The following AHNAK variants were observed in gnomAD, a reference collection of about 807,000 sequenced individuals.
The protein encoded by AHNAK is AHNAK nucleoprotein, also known as neuroblast differentiation-associated protein AHNAK.
Under a neutral mutation model 37.8 loss-of-function variants are expected in AHNAK, and 23 were observed. That is an observed-to-expected ratio of 0.61 (90% confidence interval 0.44 to 0.86). The LOEUF is 0.86. Ranked by LOEUF, AHNAK falls within the 40% of genes least tolerant of loss-of-function variation. The probability of loss-of-function intolerance (pLI) is 0.00; values close to 1 mark genes in which losing one functional copy is unlikely to be tolerated. For synonymous variants in AHNAK, 2,481 were observed against 2,636.3 expected (o/e 0.94, Z 1.80); for missense variants, 7,411 against 7,319.4 (o/e 1.01, Z -0.46).
chr11:62,528,089 T>G lies in AHNAK; in HGVS notation c.6328A>C (p.Met2110Leu). ...LKGPKLKMPEMHFKAPKISMP... is the reference protein window; with the variant it reads ...LKGPKLKMPELHFKAPKISMP... ...GAGATCTTGGGGGCCTTGAAGTGCA[T>G]CTCAGGCATCTTAAGCTTGGGGCCC... is the stretch of plus-strand genomic sequence containing the variant. The change falls in exon 5 of 5, where the codon ATG becomes CTG. Residue 2110 changes from methionine (M) to leucine (L), a missense_variant. Coordinates refer to ENST00000378024, the MANE Select transcript of AHNAK (RefSeq NM_001620.3). 1 of 1,612,626 alleles carries G rather than the reference T, an allele frequency of 6.2e-7. No individual in the cohort carries two copies. Among genetic ancestry groups the G allele is most frequent in the Non-Finnish European group, 8.5e-7 (1 of 1,179,632 alleles).
chr11:62,514,280 A>G (rs76438903), downstream of AHNAK, among the ~76,000 whole-genome samples: 5,081 of 152,120 alleles, frequency 0.033, 286 homozygotes, highest in African/African-American at 0.12. Flanking sequence ...AGCGGCATGC[A>G]CACTCTGACC....
Position 62,525,154 on chromosome 11 carries a change from G to A in AHNAK, c.9263C>T (p.Ala3088Val). Residue 3088 changes from alanine to valine, a missense_variant, in exon 5 of 5, where the codon GCC becomes GTC. Ala to Val is a moderately conservative substitution (Grantham distance 64). Transcript: ENST00000378024. ...KFKMPEMNIK[A>V]PKISMPDIDL... ...AATGTCAGGCATGGAGATCTTGGGG[G>A]CTTTGATGTTCATCTCAGGCATTTT... 1 of 1,613,924 alleles carries A rather than the reference G, an allele frequency of 6.2e-7. No individual in the cohort carries two copies. The highest frequency in any genetic ancestry group is 8.5e-7 in the Non-Finnish European group (1 of 1,180,022).
At chr11:62,440,102 A>G (rs1938271292) in intron 5 of AHNAK, among the ~76,000 whole-genome samples, 1 of 152,134 alleles carries the variant, frequency 6.6e-6, no homozygotes, top group African/African-American at 2.4e-5. Flanking sequence ...CCTGATGCAC[A>G]GCTATTGCGA....
rs759047758 is a variant in AHNAK at position 62,521,150 on chromosome 11, C to A, written c.13267G>T (p.Gly4423Cys). ...DLKGPEIDIK[G>C]PSLDIDTPDV... ...GGTGTGTCAATGTCCAAACTGGGGC[C>A]TTTTATGTCAATTTCAGGGCCCTTG... is the stretch of plus-strand genomic sequence containing the variant. The change falls in exon 5 of 5, where the codon GGC becomes TGC. Residue 4423 changes from glycine to cysteine, a missense_variant. Physicochemically the swap from Gly to Cys is radical, Grantham distance 159 (BLOSUM62 -3). Coordinates refer to ENST00000378024, the MANE Select transcript of AHNAK (RefSeq NM_001620.3). 2.5e-6 allele frequency: 4 copies of A among 1,613,736 alleles called. No individual in the cohort carries two copies. Among genetic ancestry groups the A allele is most frequent in the Admixed American group, 1.7e-5 (1 of 59,940 alleles).
chr11:62,527,610 C>T lies in AHNAK; in HGVS notation c.6807G>A (p.Lys2269=). ...TGGGTCCTGAGACATCAACGTCAGC[C>T]TTGGGCAAGTTCACATCCACTTCTG... ...EGPEVDVNLP[K]ADVDVSGPKV... The change falls in exon 5 of 5, where the codon AAG becomes AAA. Residue 2269 remains lysine, a synonymous_variant. Coordinates refer to ENST00000378024, the MANE Select transcript of AHNAK (RefSeq NM_001620.3). 1 of 1,613,866 alleles carries T rather than the reference C, an allele frequency of 6.2e-7. No individual in the cohort carries two copies. Among genetic ancestry groups the T allele is most frequent in the Non-Finnish European group, 8.5e-7 (1 of 1,179,974 alleles).
chr11:62,474,377 G>A (rs1323446276), intron 5 of AHNAK, among the ~76,000 whole-genome samples: 1 of 152,020 alleles, frequency 6.6e-6, no homozygotes, highest in Non-Finnish European at 1.5e-5. Context: ...TAGAGACGGG[G>A]TTTCACCACG....
Position 62,535,181 on chromosome 11 carries a change from A to G in AHNAK, c.164T>C (p.Ile55Thr), listed in dbSNP as rs758479660. ...RTGVVKEGDQIVGATIYFDNL... is the reference protein window; with the variant it reads ...RTGVVKEGDQTVGATIYFDNL... ...GTCAAAGTAGATGGTGGCACCCACA[A>G]TCTGGTCCCCTGAGCAGGGAAGAGC... is the stretch of plus-strand genomic sequence containing the variant. Residue 55 changes from isoleucine (I) to threonine (T), a missense_variant, in exon 4 of 5, where the codon ATT (isoleucine) becomes ACT (threonine). By Grantham distance (89) the Ile-to-Thr change is moderately conservative. Coordinates refer to ENST00000378024, the MANE Select transcript of AHNAK (RefSeq NM_001620.3). 2 of 1,609,910 alleles carry G rather than the reference A, an allele frequency of 1.2e-6. No individual in the cohort carries two copies. The highest frequency in any genetic ancestry group is 8.5e-7 in the Non-Finnish European group (1 of 1,176,430).
chr11:62,478,336 C>T (rs1019888526), intron 5 of AHNAK, among the ~76,000 whole-genome samples: 1 of 152,242 alleles, frequency 6.6e-6, no homozygotes, highest in African/African-American at 2.4e-5. Context: ...CCCCAGGGCT[C>T]CCCAACAAAT....
At position 62,517,271 on chromosome 11, in the gene AHNAK, T is replaced by G. The variant is rs1249288412; in HGVS notation, c.17146A>C (p.Lys5716Gln). 6.2e-7 allele frequency: 1 copy of G among 1,614,116 alleles called. No homozygotes were observed. Among genetic ancestry groups the G allele is most frequent in the African/African-American group, 1.3e-5 (1 of 75,022 alleles). Residue 5716 changes from lysine (K) to glutamine (Q), a missense_variant, in exon 5 of 5, where the codon AAG (lysine) becomes CAG (glutamine). By Grantham distance (53) the Lys-to-Gln change is moderately conservative (BLOSUM62 1). Transcript: ENST00000378024. ...CCTTTAGGTTTGGAAAAATTAAACT[T>G]GGGCATTTTGATCTTGGACTTTTTC... Reference protein sequence around the residue: ...KLKKSKIKMPKFNFSKPKGKG... With the variant: ...KLKKSKIKMPQFNFSKPKGKG...
chr11:62,475,601 A>AC (rs1306410489), intron 5 of AHNAK, among the ~76,000 whole-genome samples: 26 of 36,220 alleles, frequency 7.2e-4, no homozygotes, highest in African/African-American at 2.1e-3. Context: ...GTTATGTTAT[A>AC]CTTTTTTTTT....
intron 5 of AHNAK, among the ~76,000 whole-genome samples, chr11:62,487,393 T>C (rs1448985072): frequency 2.6e-5 from 4 of 152,252 alleles, no homozygotes; most frequent in Non-Finnish European, 4.4e-5. Context: ...TGAGGGTATG[T>C]GGCGTAAGGC....
rs772518784 is a variant in AHNAK at position 62,522,265 on chromosome 11, A to C, written c.12152T>G (p.Val4051Gly). Residue 4051 changes from valine (V) to glycine (G), a missense_variant, in exon 5 of 5, where the codon GTT (valine) becomes GGT (glycine). Physicochemically the swap from Val to Gly is moderately radical, Grantham distance 109. Coordinates refer to ENST00000378024, the MANE Select transcript of AHNAK (RefSeq NM_001620.3). Reference protein sequence around the residue: ...KVDIDAPDVDVHGPDWHLKMP... With the variant: ...KVDIDAPDVDGHGPDWHLKMP... Reference sequence around the variant, plus strand: ...CTTCAGGTGCCAGTCTGGGCCATGAACATCCACATCTGGGGCATCAATGTC... The same window carrying C: ...CTTCAGGTGCCAGTCTGGGCCATGACCATCCACATCTGGGGCATCAATGTC... 9 of 1,613,078 alleles carry C rather than the reference A, an allele frequency of 5.6e-6. No homozygotes were observed. In the East Asian group the frequency reaches 1.3e-4, roughly 24 times the overall value.
intron 4 of AHNAK, chr11:62,491,884 G>A (rs2134896124): frequency 3.3e-6 from 5 of 1,523,324 alleles, no homozygotes; most frequent in Non-Finnish European, 4.5e-6. Context: ...TCCAATCAAT[G>A]AGCACTTTTC....
Position 62,540,484 on chromosome 11 carries a change from G to A in AHNAK, c.-99-3917C>T, listed in dbSNP as rs375847173. Among the ~76,000 whole-genome samples, 3 of 152,028 alleles carry A rather than the reference G, an allele frequency of 2.0e-5. No individual in the cohort carries two copies. The South Asian group carries it at 6.2e-4, about 32-fold the overall frequency. On this transcript the variant is annotated intron_variant, in intron 1 of 4. Transcript: ENST00000378024. ...AGAGCCTGCTAGCACACAGCCCGGT[G>A]GTCCACCCAACAGCCTCCCTCGTGA...
Position 62,521,926 on chromosome 11 carries a change from T to C in AHNAK, c.12491A>G (p.Asp4164Gly). 1 of 1,613,538 alleles carries C rather than the reference T, an allele frequency of 6.2e-7. No individual in the cohort carries two copies. The highest frequency in any genetic ancestry group is 8.5e-7 in the Non-Finnish European group (1 of 1,179,896). ...VEGDLKGPEV[D>G]IKGPKVDIDV... ...AATGTCCACTTTGGGGCCCTTGATG[T>C]CAACTTCAGGGCCCTTGAGGTCGCC... The change falls in exon 5 of 5, where the codon GAC becomes GGC. Residue 4164 changes from aspartate to glycine, a missense_variant. Transcript: ENST00000378024.
At position 62,532,587 on chromosome 11, in the gene AHNAK, C is replaced by T; in HGVS notation, c.1830G>A (p.Val610=). ...CTTCGACATCTGGGGCACTGACATC[C>T]ACTTTGGGGCCTCTGACATCAACTT... is the stretch of plus-strand genomic sequence containing the variant. ...VPEVDVRGPK[V]DVSAPDVEAH... The change falls in exon 5 of 5, where the codon GTG becomes GTA. Residue 610 remains valine (V), a synonymous_variant. Transcript: ENST00000378024. 6.2e-7 allele frequency: 1 copy of T among 1,614,160 alleles called. No individual in the cohort carries two copies. Among genetic ancestry groups the T allele is most frequent in the Non-Finnish European group, 8.5e-7 (1 of 1,180,048 alleles).
At position 62,516,254 on chromosome 11, in the gene AHNAK, T is replaced by C. The variant is rs1417877066; in HGVS notation, c.*490A>G. 1.6e-6 allele frequency: 2 copies of C among 1,289,140 alleles called. No homozygotes were observed. The highest frequency in any genetic ancestry group is 3.0e-5 in the African/African-American group (2 of 65,834). 79.9% of individuals were successfully genotyped at this position (1,289,140 alleles called of 1,614,324 possible). On this transcript the variant is annotated 3_prime_UTR_variant, in exon 5 of 5. Transcript: ENST00000378024. ...CCTGACTACCACCACCTCTGGGCCA[T>C]CTGTGGGCGTTTGCTGTTTGAACAG...
At position 62,524,892 on chromosome 11, in the gene AHNAK, G is replaced by C. The variant is rs1052483620; in HGVS notation, c.9525C>G (p.Pro3175=). The C allele has an allele frequency of 8.1e-6, 13 of 1,613,558 alleles. No homozygotes were observed. Among genetic ancestry groups the C allele is most frequent in the Non-Finnish European group, 9.3e-6 (11 of 1,179,928 alleles). Reference sequence around the variant, plus strand: ...GTCCTGAGACGTCAAGGTCAGCCTTGGGCAGGTTCACGTCCACTTCTGGAC... The same window carrying C: ...GTCCTGAGACGTCAAGGTCAGCCTTCGGCAGGTTCACGTCCACTTCTGGAC... ...GEGPEVDVNL[P]KADLDVSGPK... Residue 3175 remains proline, a synonymous_variant, in exon 5 of 5, where the codon CCC becomes CCG. Transcript: ENST00000378024.
chr11:62,450,011 G>A (rs1938500045), intron 5 of AHNAK, among the ~76,000 whole-genome samples: 1 of 152,216 alleles, frequency 6.6e-6, no homozygotes. Flanking sequence ...TTGGGAGGCT[G>A]AGGTAGGTGG....
Sources: gnomAD v4.1 joint callset for allele counts (sites outside exome capture counted in the v4.1 genomes callset) on GRCh38, gnomAD v4.1.1 for gene constraint, MANE v1.5 for transcripts, NCBI Gene and HGNC (gene_info 2026-07-23, HGNC 2026-07-21) for gene names.